PRDM16: variants seen among roughly 807,000 people sequenced by gnomAD.
PRDM16 encodes the protein histone-lysine N-methyltransferase PRDM16.
In PRDM16, 23 loss-of-function variants were observed where a neutral mutation model predicts 110.6. The ratio of observed to expected loss-of-function variants is 0.21; its 90% CI spans 0.15 to 0.29. PRDM16 has a LOEUF of 0.29. Ranked by LOEUF, PRDM16 falls within the 10% of genes least tolerant of loss-of-function variation. The pLI is 1.00. For synonymous variants in PRDM16, 799 were observed against 781.8 expected (o/e 1.02, Z -0.37); for missense variants, 1,615 against 1,794.3 (o/e 0.90, Z 1.81).
In PRDM16 at chr1:3,382,993, C is replaced by T. The variant is rs1005530007; in HGVS notation, c.439-2159C>T. On this transcript the variant is annotated intron_variant, in intron 3 of 16. Coordinates refer to ENST00000270722, the MANE Select transcript of PRDM16 (RefSeq NM_022114.4). This position sits in a 1 kb window ranked among gnomAD's most constrained non-coding sequence, Gnocchi z 6.6. The stretch of plus-strand genomic sequence containing the variant: ...CCGCCGCCAATGTTTTCCTCGGGCT[C>T]CAGCCCCTAGCCTAGTTATGCTTCT... Among the ~76,000 whole-genome samples, 1 of 152,232 alleles carries T rather than the reference C, an allele frequency of 6.6e-6. No homozygotes were observed. Among genetic ancestry groups the T allele is most frequent in the African/African-American group, 2.4e-5 (1 of 41,460 alleles).
At chr1:3,412,850 G>A (rs1057017335) in intron 9 of PRDM16, 50 bp downstream of exon 9, 15 of 1,383,944 alleles carry the variant, frequency 1.1e-5, no homozygotes, top group African/African-American at 7.5e-5. Flanking sequence ...GGGCCGCGGC[G>A]GTGCTGGGCG....
chr1:3,291,019 G>A (rs998370814), intron 3 of PRDM16, among the ~76,000 whole-genome samples: 30 of 151,796 alleles, frequency 2.0e-4, no homozygotes, highest in Admixed American at 1.8e-3. Context: ...GGCCATCCTT[G>A]TCTCCGGCTT....
chr1:3,292,657 G>A (rs749428708), intron 3 of PRDM16, among the ~76,000 whole-genome samples: 3 of 152,230 alleles, frequency 2.0e-5, no homozygotes, highest in Non-Finnish European at 4.4e-5. Flanking sequence ...GGAAGGGCCA[G>A]ATAGCGAGGG....
At chr1:3,197,870 G>A (rs777000969) in intron 2 of PRDM16, among the ~76,000 whole-genome samples, 8 of 152,124 alleles carry the variant, frequency 5.3e-5, no homozygotes, top group South Asian at 2.1e-4. Flanking sequence ...GGGGATGAGC[G>A]CGTGAACCTC....
chr1:3,202,214 G>T (rs1172776079), intron 2 of PRDM16, among the ~76,000 whole-genome samples: 1 of 152,200 alleles, frequency 6.6e-6, no homozygotes, highest in Non-Finnish European at 1.5e-5. Context: ...AGGGGAAACT[G>T]AGTCTGGGAA....
At chr1:3,158,504 T>C (rs762980313) in intron 1 of PRDM16, among the ~76,000 whole-genome samples, 8 of 152,208 alleles carry the variant, frequency 5.3e-5, no homozygotes, top group Non-Finnish European at 1.0e-4. Context: ...TATTTCAATA[T>C]TTTTGCTGAG....
intron 1 of PRDM16, among the ~76,000 whole-genome samples, chr1:3,181,577 C>T (rs1334846508): frequency 6.8e-6 from 1 of 146,270 alleles, no homozygotes; most frequent in Middle Eastern, 3.6e-3. Flanking sequence ...CAGTCTTACA[C>T]ACGGTCTTAC....
At chr1:3,285,036 T>C (rs1352566802) in intron 3 of PRDM16, among the ~76,000 whole-genome samples, 1 of 152,186 alleles carries the variant, frequency 6.6e-6, no homozygotes, top group Non-Finnish European at 1.5e-5. Flanking sequence ...ATGGAACGCT[T>C]CACCTGGTGC....
At chr1:3,088,534 C>T (rs1642202173) in intron 1 of PRDM16, among the ~76,000 whole-genome samples, 1 of 151,004 alleles carries the variant, frequency 6.6e-6, no homozygotes, top group South Asian at 2.1e-4. Context: ...GGCGCGATCT[C>T]AGCTCACTGC....
At chr1:3,193,167 G>T (rs1423695700) in intron 2 of PRDM16, among the ~76,000 whole-genome samples, 5 of 152,218 alleles carry the variant, frequency 3.3e-5, no homozygotes, top group Non-Finnish European at 7.3e-5. Flanking sequence ...TTACCAGGGG[G>T]CAGCTTTGGG....
chr1:3,159,636 A>G (rs2100737650), intron 1 of PRDM16, among the ~76,000 whole-genome samples: 1 of 152,340 alleles, frequency 6.6e-6, no homozygotes, highest in South Asian at 2.1e-4. Flanking sequence ...TGAATTTGGG[A>G]GGACACAGTC....
chr1:3,427,911 C>T (rs1391319973), intron 14 of PRDM16, among the ~76,000 whole-genome samples: 2 of 152,178 alleles, frequency 1.3e-5, no homozygotes, highest in Non-Finnish European at 2.9e-5. Context: ...GAGACAGCCG[C>T]ATGGGAGCTG....
At chr1:3,348,549 A>G (rs1642410986) in intron 3 of PRDM16, among the ~76,000 whole-genome samples, 1 of 152,172 alleles carries the variant, frequency 6.6e-6, no homozygotes, top group African/African-American at 2.4e-5. Flanking sequence ...GACAGTGGGG[A>G]GGGACATGCA....
intron 1 of PRDM16, among the ~76,000 whole-genome samples, chr1:3,096,453 T>G (rs1204043925): frequency 6.6e-6 from 1 of 152,180 alleles, no homozygotes; most frequent in Non-Finnish European, 1.5e-5. Flanking sequence ...GGGAGGCGAC[T>G]GGGCCTGAAT....
rs893793909 is a variant in PRDM16 at position 3,157,065 on chromosome 1, C to T, written c.38-29060C>T. ...AGCACGAGGGCCAAGAGGTGACCGC[C>T]GGCCAGAACCAGCCGTGGCTGCCCA... is the stretch of plus-strand genomic sequence containing the variant. On this transcript the variant is annotated intron_variant, in intron 1 of 16. Transcript: ENST00000270722. The surrounding 1 kb of genome is among the most constrained non-coding windows in gnomAD (Gnocchi z 4.8). Among the ~76,000 whole-genome samples, 15 of 152,288 alleles carry T rather than the reference C, an allele frequency of 9.8e-5. No homozygotes were observed. Among genetic ancestry groups the T allele is most frequent in the African/African-American group, 2.9e-4 (12 of 41,570 alleles).
At chr1:3,422,917 G>A (rs1303827482) in intron 12 of PRDM16, among the ~76,000 whole-genome samples, 1 of 152,224 alleles carries the variant, frequency 6.6e-6, no homozygotes, top group Non-Finnish European at 1.5e-5. Context: ...AGGAGCAGGG[G>A]CTCCCAGAGA....
intron 1 of PRDM16, among the ~76,000 whole-genome samples, chr1:3,177,626 G>C (rs1380264179): frequency 6.6e-6 from 1 of 152,200 alleles, no homozygotes; most frequent in Admixed American, 6.5e-5. Flanking sequence ...CCCCAGGAGA[G>C]CGAGCCAACG....
intron 1 of PRDM16, among the ~76,000 whole-genome samples, chr1:3,109,819 G>A (rs993783830): frequency 2.0e-5 from 3 of 152,252 alleles, no homozygotes; most frequent in African/African-American, 7.2e-5. Context: ...TGGATGAGTG[G>A]CCGGTGTGTT....
chr1:3,336,429 T>TG (rs1642151716), intron 3 of PRDM16, among the ~76,000 whole-genome samples: 1 of 151,966 alleles, frequency 6.6e-6, no homozygotes, highest in African/African-American at 2.4e-5. Context: ...TGCATGTGTG[T>TG]TTGCATGCAC....
Sources: allele counts gnomAD v4.1 joint callset (sites outside exome capture counted in the v4.1 genomes callset), GRCh38; gene constraint gnomAD v4.1.1; non-coding constraint Gnocchi (gnomAD v3.1); transcripts MANE v1.5; gene names NCBI Gene and HGNC (gene_info 2026-07-23, HGNC 2026-07-21).